Variants in DIP2C observed in about 807,000 individuals in gnomAD.
The protein encoded by DIP2C is DIP2 acetate--CoA ligase C (putative).
DIP2C carries 33 observed loss-of-function variants against 192.4 expected under a neutral mutation model. The observed-to-expected ratio is 0.17, with a 90% CI of 0.13 to 0.23. DIP2C has a LOEUF of 0.23. Ranked by LOEUF, DIP2C falls within the 10% of genes least tolerant of loss-of-function variation. DIP2C has a pLI of 1.00. For synonymous variants in DIP2C, 979 were observed against 864.1 expected (o/e 1.13, Z -2.33); for missense variants, 1,537 against 2,110.1 (o/e 0.73, Z 5.32).
Position 327,047 on chromosome 10 carries a change from T to G in DIP2C, c.3883A>C (p.Thr1295Pro). The part of the protein sequence containing the change: ...DLGLHPRAVS[T>P]SFGCRVNLAI... The stretch of plus-strand genomic sequence containing the variant: ...AGGTTCACCCTGCAACCGAACGAGG[T>G]GCTGACGGCCCGCGGGTGAAGGCCC... The change falls in exon 31 of 37, where the codon ACC becomes CCC. Residue 1295 changes from threonine to proline, a missense_variant. Thr to Pro is a conservative substitution (Grantham distance 38). Transcript: ENST00000280886. 6.2e-7 allele frequency: 1 copy of G among 1,614,122 alleles called. No individual in the cohort carries two copies. Among genetic ancestry groups the G allele is most frequent in the Non-Finnish European group, 8.5e-7 (1 of 1,180,018 alleles).
chr10:487,489 C>A (rs564769097), intron 1 of DIP2C, among the ~76,000 whole-genome samples: 1 of 151,860 alleles, frequency 6.6e-6, no homozygotes, highest in Admixed American at 6.6e-5. Flanking sequence ...TCGTCTCCCC[C>A]ACGGAACACA....
chr10:319,927 GC>G (rs988753333), intron 31 of DIP2C, among the ~76,000 whole-genome samples: 4 of 152,180 alleles, frequency 2.6e-5, no homozygotes, highest in African/African-American at 9.7e-5. Context: ...CTAACTAGAT[GC>G]TGTCTGAATC....
In DIP2C at chr10:277,421, G is replaced by C. The variant is rs1331813264; in HGVS notation, c.4575C>G (p.Ile1525Met). The C allele has an allele frequency of 6.2e-7, 1 of 1,614,040 alleles. No individual in the cohort carries two copies. Among genetic ancestry groups the C allele is most frequent in the Admixed American group, 1.7e-5 (1 of 60,004 alleles). Residue 1525 changes from isoleucine to methionine, a missense_variant, in exon 37 of 37, where the codon ATC becomes ATG. Ile to Met is a conservative substitution (Grantham distance 10, BLOSUM62 1). Around this residue, in one of 4 missense-constraint regions of DIP2C, gnomAD observed 341 missense variants for 551.7 expected, o/e 0.62. Coordinates refer to ENST00000280886, the MANE Select transcript of DIP2C (RefSeq NM_014974.3). ...GVVVVVDIGV[I>M]PINSRGEKQR... ...GCTTCTCCCCACGGGAGTTGATGGG[G>C]ATGACGCCGATGTCCACCACGACCA...
chr10:310,402 C>T (rs1424523565), intron 31 of DIP2C, among the ~76,000 whole-genome samples: 4 of 152,178 alleles, frequency 2.6e-5, no homozygotes, highest in Non-Finnish European at 1.5e-5. Context: ...GCCAAGACGG[C>T]GCTGCAAAAG....
chr10:311,850 T>G (rs1215997685), intron 31 of DIP2C, among the ~76,000 whole-genome samples: 1 of 152,088 alleles, frequency 6.6e-6, no homozygotes, highest in Non-Finnish European at 1.5e-5. Flanking sequence ...GTGTAGCAGG[T>G]GACTAACCAC....
intron 1 of DIP2C, among the ~76,000 whole-genome samples, chr10:585,054 C>G (rs912737794): frequency 6.6e-6 from 1 of 151,896 alleles, no homozygotes; most frequent in Admixed American, 6.6e-5. Context: ...AATCTCAGGG[C>G]CCACGACCTG....
At chr10:382,870 A>C (rs760902607) in intron 16 of DIP2C, 109 bp from the exon 17 acceptor site, 1 of 630,070 alleles carries the variant, frequency 1.6e-6, no homozygotes, top group Non-Finnish European at 2.6e-6. Flanking sequence ...AAGTGGATCT[A>C]GGCAGCGTGG....
At chr10:564,535 G>C (rs1159454013) in intron 1 of DIP2C, among the ~76,000 whole-genome samples, 5 of 152,190 alleles carry the variant, frequency 3.3e-5, no homozygotes, top group African/African-American at 1.2e-4. Flanking sequence ...GCAGAGCTAA[G>C]GGTGTCCACA....
intron 1 of DIP2C, among the ~76,000 whole-genome samples, chr10:585,948 G>T (rs576684003): frequency 1.3e-5 from 2 of 152,284 alleles, no homozygotes; most frequent in East Asian, 1.9e-4. Flanking sequence ...TCCAACTGCT[G>T]TAAAAGGAAA....
At chr10:578,336 C>G (rs1402655469) in intron 1 of DIP2C, among the ~76,000 whole-genome samples, 1 of 152,168 alleles carries the variant, frequency 6.6e-6, no homozygotes, top group Non-Finnish European at 1.5e-5. Flanking sequence ...AGAAAATGAA[C>G]ACGTTTCCTG....
intron 3 of DIP2C, among the ~76,000 whole-genome samples, chr10:465,208 C>T (rs1189243553): frequency 7.0e-6 from 1 of 142,730 alleles, no homozygotes; most frequent in Non-Finnish European, 1.5e-5. Context: ...TGGGCTTCAT[C>T]CCTGGGATGC....
chr10:467,316 G>A (rs1321024610), intron 3 of DIP2C, among the ~76,000 whole-genome samples: 2 of 149,512 alleles, frequency 1.3e-5, no homozygotes, highest in African/African-American at 4.9e-5. Flanking sequence ...TCACTCATAG[G>A]TGGGAATTGA....
chr10:589,950 TAA>T (rs561712204), intron 1 of DIP2C, among the ~76,000 whole-genome samples: 97 of 152,342 alleles, frequency 6.4e-4, no homozygotes, highest in African/African-American at 2.2e-3. Flanking sequence ...AAGCGTGTGA[TAA>T]GTTACATAAA....
intron 7 of DIP2C, among the ~76,000 whole-genome samples, chr10:415,260 A>G (rs774791125): frequency 1.4e-4 from 22 of 152,126 alleles, no homozygotes; most frequent in Non-Finnish European, 2.9e-4. Flanking sequence ...TTTAACACAT[A>G]AGATACTAAG....
At chr10:486,430 G>A (rs1588269743) in intron 2 of DIP2C, 29 bp downstream of exon 2, 4 of 1,566,472 alleles carry the variant, frequency 2.6e-6, no homozygotes, top group South Asian at 2.4e-5. Context: ...GAAATGAGAG[G>A]ACTCATGCTA....
Position 434,221 on chromosome 10 carries a change from G to A in DIP2C, c.394+6650C>T, listed in dbSNP as rs117820643. Among the ~76,000 whole-genome samples, 1,262 of 152,268 alleles carry A rather than the reference G, an allele frequency of 8.3e-3. 6 individuals are homozygous for A. The highest frequency in any genetic ancestry group is 0.013 in the Non-Finnish European group (904 of 68,022). On this transcript the variant is annotated intron_variant, in intron 4 of 36. Transcript: ENST00000280886. ...ACACTGTCGCTATTATGAATGAACTGTTACATTAAATCTATTAAGAAAAAT... is the reference window on the plus strand; with the variant it reads ...ACACTGTCGCTATTATGAATGAACTATTACATTAAATCTATTAAGAAAAAT...
chr10:458,558 G>A (rs977834190), intron 3 of DIP2C, among the ~76,000 whole-genome samples: 15 of 147,884 alleles, frequency 1.0e-4, no homozygotes, highest in Admixed American at 6.1e-4. Flanking sequence ...AGCGTGTGAC[G>A]GAGTGCTCAG....
intron 1 of DIP2C, among the ~76,000 whole-genome samples, chr10:613,586 ACTGTTT>A (rs1224247299): frequency 6.6e-6 from 1 of 152,192 alleles, no homozygotes; most frequent in Middle Eastern, 3.2e-3. Flanking sequence ...AATAATTGTC[ACTGTTT>A]CTAATTCATG....
intron 9 of DIP2C, among the ~76,000 whole-genome samples, chr10:404,906 T>C (rs1964694980): frequency 6.6e-6 from 1 of 152,248 alleles, no homozygotes; most frequent in African/African-American, 2.4e-5. Context: ...TGAGAGCTGA[T>C]GGCATGTTTT....
Sources: allele counts gnomAD v4.1 joint callset (sites outside exome capture counted in the v4.1 genomes callset), GRCh38; gene constraint gnomAD v4.1.1; regional missense constraint gnomAD v4.1.1; transcripts MANE v1.5; gene names NCBI Gene and HGNC (gene_info 2026-07-23, HGNC 2026-07-21).